Variants in LYPLAL1 observed in about 807,000 individuals in gnomAD.
The protein encoded by LYPLAL1 is lysophospholipase-like protein 1.
LYPLAL1 carries 23 observed loss-of-function variants against 19.7 expected under a neutral mutation model. That is an observed-to-expected ratio of 1.17 (90% confidence interval 0.84 to 1.65). LYPLAL1 has a LOEUF of 1.65. Among genes scored for constraint, LYPLAL1 ranks in the 40% most tolerant of loss-of-function variants. The pLI, the probability that LYPLAL1 is intolerant of heterozygous loss-of-function variation, is 0.00. For synonymous variants in LYPLAL1, 119 were observed against 96.3 expected (o/e 1.24, Z -1.38); for missense variants, 355 against 279.4 (o/e 1.27, Z -1.93).
At chr1:219,245,787 G>A in the LYPLAL1 span, among the ~76,000 whole-genome samples, 5 of 152,114 alleles carry the variant, frequency 3.3e-5, no homozygotes, top group African/African-American at 9.7e-5. Flanking sequence ...TAAGAGTAAG[G>A]AGATAATTTC....
At chr1:219,365,894 A>G in the LYPLAL1 span, among the ~76,000 whole-genome samples, 1 of 152,128 alleles carries the variant, frequency 6.6e-6, no homozygotes, top group Non-Finnish European at 1.5e-5. Context: ...AGCCAACATG[A>G]CTAAGACCAT....
At chr1:219,181,351 A>G (rs1558221003) in intron 2 of LYPLAL1, among the ~76,000 whole-genome samples, 1 of 152,164 alleles carries the variant, frequency 6.6e-6, no homozygotes, top group Non-Finnish European at 1.5e-5. Context: ...CATTTTCTAC[A>G]GCTTAGTTTT....
chr1:219,393,392 T>TA, the LYPLAL1 span, among the ~76,000 whole-genome samples: 1 of 152,110 alleles, frequency 6.6e-6, no homozygotes, highest in Non-Finnish European at 1.5e-5. Context: ...ACCTCATATG[T>TA]AAACACAGGA....
intron 3 of LYPLAL1, among the ~76,000 whole-genome samples, chr1:219,202,993 G>A (rs1658244636): frequency 6.6e-6 from 1 of 152,120 alleles, no homozygotes; most frequent in South Asian, 2.1e-4. Flanking sequence ...GCCCAGGCTA[G>A]GTTTCTTTTA....
At chr1:219,434,896 A>T in the LYPLAL1 span, among the ~76,000 whole-genome samples, 5 of 152,146 alleles carry the variant, frequency 3.3e-5, no homozygotes, top group Non-Finnish European at 2.9e-5. Context: ...CTGGAAAAAA[A>T]AAAATAAAGC....
chr1:219,411,155 A>G, the LYPLAL1 span, among the ~76,000 whole-genome samples: 1 of 121,874 alleles, frequency 8.2e-6, no homozygotes, highest in African/African-American at 2.9e-5. Flanking sequence ...TATCTAGCTC[A>G]GGGATTGTAA....
At chr1:219,329,634 G>T in the LYPLAL1 span, among the ~76,000 whole-genome samples, 1 of 152,138 alleles carries the variant, frequency 6.6e-6, no homozygotes, top group Non-Finnish European at 1.5e-5. Context: ...GTTTTCTCTG[G>T]AATGCCCGGT....
downstream of LYPLAL1, among the ~76,000 whole-genome samples, chr1:219,216,365 A>G (rs1659290883): frequency 6.6e-6 from 1 of 152,114 alleles, no homozygotes; most frequent in Non-Finnish European, 1.5e-5. Flanking sequence ...ATTTCTAAAT[A>G]TTCACAAGTT....
intron 1 of LYPLAL1, 106 bp downstream of exon 1, chr1:219,174,087 C>A: frequency 6.6e-7 from 1 of 1,523,786 alleles, no homozygotes; most frequent in Non-Finnish European, 8.8e-7. Flanking sequence ...CAAATAGGGC[C>A]CAGTGGGTGG....
At chr1:219,332,514 T>G in the LYPLAL1 span, among the ~76,000 whole-genome samples, 1 of 152,238 alleles carries the variant, frequency 6.6e-6, no homozygotes, top group Middle Eastern at 3.4e-3. Context: ...CACTAAGTTT[T>G]GGGGTAGTTT....
At chr1:219,227,577 A>G in the LYPLAL1 span, among the ~76,000 whole-genome samples, 1 of 152,246 alleles carries the variant, frequency 6.6e-6, no homozygotes, top group Non-Finnish European at 1.5e-5. Context: ...TTTGTAGTTT[A>G]AATGGAAACT....
At chr1:219,202,007 T>G (rs1658149099) in intron 3 of LYPLAL1, among the ~76,000 whole-genome samples, 1 of 152,218 alleles carries the variant, frequency 6.6e-6, no homozygotes, top group Non-Finnish European at 1.5e-5. Context: ...GTGATCTAGC[T>G]GAACTTCTCA....
chr1:219,442,681 A>C, the LYPLAL1 span: 12 of 151,940 alleles, frequency 7.9e-5, no homozygotes, highest in African/African-American at 2.4e-4. Flanking sequence ...GCTGACTTTT[A>C]TTTCTTTTCT....
the LYPLAL1 span, among the ~76,000 whole-genome samples, chr1:219,338,980 TAA>T: frequency 6.6e-6 from 1 of 151,982 alleles, no homozygotes; most frequent in Non-Finnish European, 1.5e-5. Context: ...TAGATATGTG[TAA>T]ATATATATGT....
chr1:219,319,394 C>G, the LYPLAL1 span, among the ~76,000 whole-genome samples: 1 of 152,108 alleles, frequency 6.6e-6, no homozygotes, highest in African/African-American at 2.4e-5. Flanking sequence ...GGAGTGCTTC[C>G]TGGCTGTACT....
At chr1:219,423,123 C>CTA in the LYPLAL1 span, among the ~76,000 whole-genome samples, 2 of 152,156 alleles carry the variant, frequency 1.3e-5, no homozygotes, top group Non-Finnish European at 2.9e-5. Flanking sequence ...ACACCCCTCT[C>CTA]TACTCACTCA....
At chr1:219,422,081 C>A in the LYPLAL1 span, among the ~76,000 whole-genome samples, 1 of 152,154 alleles carries the variant, frequency 6.6e-6, no homozygotes, top group South Asian at 2.1e-4. Context: ...ACACCACATA[C>A]CATTTTTTCC....
the LYPLAL1 span, among the ~76,000 whole-genome samples, chr1:219,234,155 A>G: frequency 6.6e-6 from 1 of 152,224 alleles, no homozygotes. Flanking sequence ...TCATTTGAGA[A>G]TGAATTTATG....
the LYPLAL1 span, among the ~76,000 whole-genome samples, chr1:219,445,344 C>A: frequency 8.0e-6 from 1 of 125,376 alleles, no homozygotes; most frequent in Non-Finnish European, 1.5e-5. Flanking sequence ...CATAGTCTGA[C>A]CAAAAAAAAA....
Sources: allele counts gnomAD v4.1 joint callset (sites outside exome capture counted in the v4.1 genomes callset), GRCh38; gene constraint gnomAD v4.1.1; transcripts MANE v1.5; gene names NCBI Gene and HGNC (gene_info 2026-07-23, HGNC 2026-07-21).